The following PRKN variants were observed in gnomAD, a reference collection of about 807,000 sequenced individuals.
PRKN encodes E3 ubiquitin-protein ligase parkin.
In PRKN, 56 loss-of-function variants were observed where a neutral mutation model predicts 59.5. The observed-to-expected ratio is 0.94, with a 90% confidence interval of 0.76 to 1.18. The LOEUF (loss-of-function observed/expected upper bound fraction) is 1.18, where lower values mean the gene tolerates loss of function less well. Among genes scored for constraint, PRKN ranks in the 50% most tolerant of loss-of-function variants. The pLI, the probability that PRKN is intolerant of heterozygous loss-of-function variation, is 0.00. For missense variants in PRKN, 657 were observed against 596.4 expected (o/e 1.10, Z -1.06); for synonymous variants, 250 against 222.1 (o/e 1.13, Z -1.12).
chr6:162,237,209 G>A (rs562726759), intron 3 of PRKN, among the ~76,000 whole-genome samples: 3 of 152,072 alleles, frequency 2.0e-5, no homozygotes, highest in East Asian at 1.9e-4. Context: ...TTATGACTTG[G>A]AAAGATAAAT....
At chr6:162,383,101 T>G (rs1174553411) in intron 2 of PRKN, among the ~76,000 whole-genome samples, 1 of 152,184 alleles carries the variant, frequency 6.6e-6, no homozygotes, top group African/African-American at 2.4e-5. Context: ...AAGTCATCCA[T>G]GAGGACTGGA....
chr6:162,047,679 T>C (rs534779196), intron 5 of PRKN, among the ~76,000 whole-genome samples: 4 of 152,272 alleles, frequency 2.6e-5, no homozygotes, highest in African/African-American at 7.2e-5. Context: ...CCTTGGAGGA[T>C]AGTAATTTGA....
chr6:161,871,871 C>A (rs1794354142), intron 6 of PRKN, among the ~76,000 whole-genome samples: 1 of 152,172 alleles, frequency 6.6e-6, no homozygotes, highest in South Asian at 2.1e-4. Context: ...GGACACACCA[C>A]AGGCACGAGG....
intron 7 of PRKN, among the ~76,000 whole-genome samples, chr6:161,591,264 G>A (rs913146158): frequency 6.6e-6 from 1 of 152,142 alleles, no homozygotes; most frequent in Non-Finnish European, 1.5e-5. Context: ...TTTCTCATGA[G>A]TCTAAAATTA....
At chr6:162,678,827 T>G (rs999727259) in intron 1 of PRKN, among the ~76,000 whole-genome samples, 5 of 152,338 alleles carry the variant, frequency 3.3e-5, no homozygotes, top group East Asian at 1.9e-4. Context: ...CAGGCTAGAA[T>G]GCAGTGGTGC....
In PRKN at chr6:162,535,500, GGTGT is replaced by G. The variant is rs1250950370; in HGVS notation, c.8-92031_8-92028del. ...ACCCATTTCCTATATATGAATAGAT[GGTGT>G]GTGTGTGTCTATATATATATAAATC... On this transcript the variant is annotated intron_variant, in intron 1 of 11. Transcript: ENST00000366898. Among the ~76,000 whole-genome samples the G allele has an allele frequency of 2.6e-5, 4 of 151,882 alleles. No homozygotes were observed. The East Asian group carries it at 7.7e-4, about 29-fold the overall frequency.
At chr6:162,656,506 A>G (rs1409024360) in intron 1 of PRKN, among the ~76,000 whole-genome samples, 1 of 152,172 alleles carries the variant, frequency 6.6e-6, no homozygotes. Flanking sequence ...CCTCTCTTTC[A>G]CATGTAGTCC....
chr6:162,277,957 C>A (rs76645493), intron 2 of PRKN, among the ~76,000 whole-genome samples: 3,478 of 152,262 alleles, frequency 0.023, 131 homozygotes, highest in African/African-American at 0.08. Context: ...CATGTCCACA[C>A]AAAAGCCTGC....
In PRKN at chr6:161,866,529, C is replaced by G. The variant is rs563499368; in HGVS notation, c.735-80621G>C. 2.3e-4 allele frequency among the ~76,000 whole-genome samples: 35 copies of G among 152,012 alleles called. 1 individual carries two copies. The South Asian group carries it at 6.9e-3, about 30-fold the overall frequency. ...GGCGGAGCTTGCAGTGAGCTGAGATCGCACCACTGCACTCTAGCCTGGGCG... is the reference window on the plus strand; with the variant it reads ...GGCGGAGCTTGCAGTGAGCTGAGATGGCACCACTGCACTCTAGCCTGGGCG... On this transcript the variant is annotated intron_variant, in intron 6 of 11. Coordinates refer to ENST00000366898, the MANE Select transcript of PRKN (RefSeq NM_004562.3).
At chr6:161,492,830 C>T (rs35234723) in intron 9 of PRKN, among the ~76,000 whole-genome samples, 28,179 of 152,066 alleles carry the variant, frequency 0.19, 2,803 homozygotes, top group African/African-American at 0.26. Flanking sequence ...CATTGATGAA[C>T]GTGGTGTTCC....
At chr6:162,085,770 A>G (rs1460999616) in intron 4 of PRKN, among the ~76,000 whole-genome samples, 1 of 152,104 alleles carries the variant, frequency 6.6e-6, no homozygotes, top group African/African-American at 2.4e-5. Flanking sequence ...TTACATTCCC[A>G]TCTTACTGTT....
intron 6 of PRKN, among the ~76,000 whole-genome samples, chr6:161,943,088 G>A (rs114407808): frequency 0.011 from 1,709 of 152,256 alleles, 33 homozygotes; most frequent in African/African-American, 0.04. Flanking sequence ...GCCTTCTTAA[G>A]GCAGAAAGTG....
rs554476683 is a variant in PRKN at position 161,460,907 on chromosome 6, G to A, written c.1084-74030C>T. Among the ~76,000 whole-genome samples the A allele has an allele frequency of 3.3e-5, 5 of 151,328 alleles. No individual in the cohort carries two copies. Among genetic ancestry groups the A allele is most frequent in the East Asian group, 1.9e-4 (1 of 5,138 alleles). On this transcript the variant is annotated intron_variant, in intron 9 of 11. Coordinates refer to ENST00000366898, the MANE Select transcript of PRKN (RefSeq NM_004562.3). The surrounding 1 kb of genome is among the most constrained non-coding windows in gnomAD (Gnocchi z 5.0). ...TGGGACTACAGGTACGCACCACCAC[G>A]CCCAGCTAATTTTTCTTTCTTTTTT...
chr6:161,587,948 T>C (rs765274772), intron 7 of PRKN, among the ~76,000 whole-genome samples: 3 of 152,240 alleles, frequency 2.0e-5, no homozygotes, highest in Non-Finnish European at 4.4e-5. Flanking sequence ...GTAATGTTTT[T>C]AGAAGCATAT....
Position 161,448,889 on chromosome 6 carries a change from T to C in PRKN, c.1084-62012A>G, listed in dbSNP as rs1329470392. ...AAATAAAAGCGTTCAAGGTAGAGGA[T>C]GACTTTGGGACTCTGGCAACACAGG... On this transcript the variant is annotated intron_variant, in intron 9 of 11. Transcript: ENST00000366898. The surrounding 1 kb of genome is among the most constrained non-coding windows in gnomAD (Gnocchi z 5.1). Among the ~76,000 whole-genome samples, 1 of 152,190 alleles carries C rather than the reference T, an allele frequency of 6.6e-6. No homozygotes were observed. The highest frequency in any genetic ancestry group is 2.4e-5 in the African/African-American group (1 of 41,452).
intron 10 of PRKN, among the ~76,000 whole-genome samples, chr6:161,375,346 G>C (rs1339205556): frequency 6.6e-6 from 1 of 152,168 alleles, no homozygotes; most frequent in African/African-American, 2.4e-5. Context: ...CCAGCCCCAG[G>C]TCTGCATGGT....
chr6:162,470,790 T>C (rs112098112), intron 1 of PRKN, among the ~76,000 whole-genome samples: 261 of 152,242 alleles, frequency 1.7e-3, no homozygotes, highest in African/African-American at 5.6e-3. Flanking sequence ...GGAGTCTCAT[T>C]CTGTGGCCCA....
intron 1 of PRKN, among the ~76,000 whole-genome samples, chr6:162,641,487 T>C (rs889332308): frequency 2.6e-5 from 4 of 152,010 alleles, no homozygotes; most frequent in Admixed American, 2.0e-4. Flanking sequence ...TTAATCAACG[T>C]GGCAAACAGA....
intron 1 of PRKN, among the ~76,000 whole-genome samples, chr6:162,540,898 A>C (rs1778902966): frequency 6.6e-6 from 1 of 152,134 alleles, no homozygotes; most frequent in Non-Finnish European, 1.5e-5. Flanking sequence ...CATTCTCACT[A>C]TACAGAAAAC....
Sources: gnomAD v4.1 joint callset for allele counts (sites outside exome capture counted in the v4.1 genomes callset) on GRCh38, gnomAD v4.1.1 for gene constraint, Gnocchi (gnomAD v3.1) non-coding constraint, MANE v1.5 for transcripts, NCBI Gene and HGNC (gene_info 2026-07-23, HGNC 2026-07-21) for gene names.